The following FAM118A variants were observed in gnomAD, a reference collection of about 807,000 sequenced individuals.
FAM118A encodes SIR2 antiphage like 2, also known as protein FAM118A.
Under a neutral mutation model 38.2 loss-of-function variants are expected in FAM118A, and 25 were observed. That is an observed-to-expected ratio of 0.65 (90% CI 0.48 to 0.91). FAM118A has a LOEUF of 0.91. Ranked by LOEUF, FAM118A falls within the 40% of genes least tolerant of loss-of-function variation. The pLI is 0.00. For synonymous variants in FAM118A, 178 were observed against 184.1 expected, an observed-to-expected ratio of 0.97 and a Z score of 0.27; for missense variants, 425 against 463.3, an observed-to-expected ratio of 0.92 and a Z score of 0.76.
intron 3 of FAM118A, among the ~76,000 whole-genome samples, chr22:45,324,327 A>G (rs1292336208): frequency 6.6e-6 from 1 of 152,182 alleles, no homozygotes; most frequent in African/African-American, 2.4e-5. Context: ...GCCACCCTCA[A>G]CAGGCAGCTT....
At position 45,336,361 on chromosome 22, in the gene FAM118A, TAGAAG is replaced by T. The variant is rs765907681; in HGVS notation, c.1009_1013del (p.Glu337TrpfsTer3). The T allele has an allele frequency of 3.7e-5, 59 of 1,613,924 alleles. No homozygotes were observed. The highest frequency in any genetic ancestry group is 5.3e-5 in the African/African-American group (4 of 74,906). ...TGCCAGGACTGTGCAAAGAGGAAGT[TAGAAG>T]AGAATGGAATTGAAGTTTCAAAAAA... On this transcript the variant is annotated frameshift_variant, in exon 8 of 9. Transcript: ENST00000441876. LOFTEE classifies it high-confidence loss of function.
At chr22:45,315,101 C>G (rs1296519769) in intron 1 of FAM118A, among the ~76,000 whole-genome samples, 1 of 152,150 alleles carries the variant, frequency 6.6e-6, no homozygotes, top group Non-Finnish European at 1.5e-5. Context: ...TAATGTTGCT[C>G]TTTGAATTAA....
At chr22:45,338,133 TTTC>T (rs1256015825) in intron 8 of FAM118A, among the ~76,000 whole-genome samples, 1 of 152,226 alleles carries the variant, frequency 6.6e-6, no homozygotes, top group Admixed American at 6.5e-5. Flanking sequence ...ATTCTCTTTA[TTTC>T]TTCTTTCCAT....
chr22:45,326,983 C>A (rs1032947191), intron 3 of FAM118A, among the ~76,000 whole-genome samples: 1 of 151,420 alleles, frequency 6.6e-6, no homozygotes, highest in Admixed American at 6.6e-5. Flanking sequence ...CACTGCACTC[C>A]AGCCTGGGTG....
Position 45,327,831 on chromosome 22 carries a change from C to A in FAM118A, c.301-11C>A. 6.2e-7 allele frequency: 1 copy of A among 1,614,062 alleles called. No individual in the cohort carries two copies. The highest frequency in any genetic ancestry group is 8.5e-7 in the Non-Finnish European group (1 of 1,179,898). ...TGATGTTTTGGTAACTGTCGTTCCA[C>A]CTTTTTGTAGCGCACAGGCGATGCC... is the stretch of plus-strand genomic sequence containing the variant. On this transcript the variant is annotated splice_polypyrimidine_tract_variant and intron_variant, in intron 3 of 8. Coordinates refer to ENST00000441876, the MANE Select transcript of FAM118A (RefSeq NM_017911.4).
At chr22:45,310,353 G>A (rs575716828) in intron 1 of FAM118A, among the ~76,000 whole-genome samples, 170 bp downstream of exon 1, 1 of 148,024 alleles carries the variant, frequency 6.8e-6, no homozygotes, top group South Asian at 2.2e-4. Flanking sequence ...CTCCAGGCCC[G>A]CGAACCCCGA....
intron 8 of FAM118A, 119 bp downstream of exon 8, chr22:45,336,530 G>T: frequency 5.6e-6 from 4 of 716,866 alleles, no homozygotes; most frequent in Non-Finnish European, 9.5e-6. Context: ...CGGTGCATAC[G>T]TTCTGTCAGG....
chr22:45,321,107 C>T (rs1022881085), intron 1 of FAM118A, among the ~76,000 whole-genome samples: 5 of 152,082 alleles, frequency 3.3e-5, no homozygotes, highest in Non-Finnish European at 5.9e-5. Context: ...CAAATTATGT[C>T]AATACTTTTG....
chr22:45,311,452 G>A (rs2084361790), intron 1 of FAM118A, among the ~76,000 whole-genome samples: 2 of 152,204 alleles, frequency 1.3e-5, no homozygotes, highest in Admixed American at 1.3e-4. Context: ...GAAGGTGGGA[G>A]GTGGTCAGGG....
chr22:45,323,646 A>G (rs928979262), intron 3 of FAM118A, among the ~76,000 whole-genome samples: 1 of 152,228 alleles, frequency 6.6e-6, no homozygotes, highest in Non-Finnish European at 1.5e-5. Flanking sequence ...AGTAGCTCCT[A>G]TTAAATGGAG....
At position 45,316,573 on chromosome 22, in the gene FAM118A, G is replaced by T. The variant is rs773555077; in HGVS notation, c.-9-5798G>T. On this transcript the variant is annotated intron_variant, in intron 1 of 8. Transcript: ENST00000441876. ...CCCGGTCTTCCAGAGCTGCCTTGGT[G>T]TAGTCAGAATGCAGTGGATAGATTC... 9.2e-5 allele frequency among the ~76,000 whole-genome samples: 14 copies of T among 152,344 alleles called. No homozygotes were observed. In the East Asian group the frequency reaches 2.7e-3, roughly 29 times the overall value.
At position 45,334,828 on chromosome 22, in the gene FAM118A, G is replaced by A. The variant is rs147033203; in HGVS notation, c.938-522G>A. On this transcript the variant is annotated intron_variant, in intron 6 of 8. Transcript: ENST00000441876. ...GCGGGCTTTTCTCATCTCTGCCCCC[G>A]TCCGCCGCTTCTCATTCCACCCCCA... Among the ~76,000 whole-genome samples the A allele has an allele frequency of 3.8e-3, 581 of 152,202 alleles. 3 individuals carry two copies. The highest frequency in any genetic ancestry group is 0.014 in the Middle Eastern group (4 of 294).
At chr22:45,336,546 A>G in intron 8 of FAM118A, 135 bp downstream of exon 8, 3 of 643,280 alleles carry the variant, frequency 4.7e-6, no homozygotes, top group Non-Finnish European at 8.1e-6. Flanking sequence ...TCAGGGCCAG[A>G]GAGCACAGGA....
intron 4 of FAM118A, 186 bp from the exon 5 acceptor site, chr22:45,330,417 G>A (rs973536811): frequency 1.0e-5 from 5 of 501,850 alleles, no homozygotes; most frequent in African/African-American, 4.0e-5. Flanking sequence ...GTCGTAGGAC[G>A]GGAATAACTA....
intron 8 of FAM118A, among the ~76,000 whole-genome samples, chr22:45,339,241 C>G (rs928611701): frequency 3.9e-5 from 6 of 152,144 alleles, no homozygotes; most frequent in African/African-American, 1.4e-4. Flanking sequence ...ACTAAAAATA[C>G]AAAAATTAAC....
At chr22:45,317,337 C>T (rs1205158372) in intron 1 of FAM118A, among the ~76,000 whole-genome samples, 1 of 152,196 alleles carries the variant, frequency 6.6e-6, no homozygotes, top group Non-Finnish European at 1.5e-5. Flanking sequence ...CGAGATTGCG[C>T]CATTGCACTC....
At chr22:45,336,479 C>T (rs1488327202) in intron 8 of FAM118A, 68 bp downstream of exon 8, 3 of 1,263,126 alleles carry the variant, frequency 2.4e-6, no homozygotes, top group Admixed American at 1.8e-5. Context: ...TCTTCAGGGA[C>T]CGTGCTGCGC....
At chr22:45,326,942 C>G (rs1009093806) in intron 3 of FAM118A, among the ~76,000 whole-genome samples, 3 of 150,058 alleles carry the variant, frequency 2.0e-5, no homozygotes, top group African/African-American at 7.4e-5. Context: ...CCTGGGAGAT[C>G]AAGGCTGCAG....
chr22:45,330,741 G>T lies in FAM118A; in HGVS notation c.651+10G>T, dbSNP rs376285764. ...AGACGCAGAAGTCATGGTACGGCCC[G>T]TCCTAATTAGCATCGGTGCGTCCTC... On this transcript the variant is annotated intron_variant, in intron 5 of 8. Coordinates refer to ENST00000441876, the MANE Select transcript of FAM118A (RefSeq NM_017911.4). 2 of 1,539,148 alleles carry T rather than the reference G, an allele frequency of 1.3e-6. No homozygotes were observed. The highest frequency in any genetic ancestry group is 2.8e-5 in the African/African-American group (2 of 71,894).
Sources: gnomAD v4.1 joint callset for allele counts (sites outside exome capture counted in the v4.1 genomes callset) on GRCh38, gnomAD v4.1.1 for gene constraint, MANE v1.5 for transcripts, NCBI Gene and HGNC (gene_info 2026-07-23, HGNC 2026-07-21) for gene names.